ANKS1A: variants seen among roughly 807,000 people sequenced by gnomAD.
ANKS1A encodes the protein ankyrin repeat and sterile alpha motif domain containing 1A.
ANKS1A carries 55 observed loss-of-function variants against 120.3 expected under a neutral mutation model. The ratio of observed to expected loss-of-function variants is 0.46; its 90% CI spans 0.37 to 0.57. The LOEUF (loss-of-function observed/expected upper bound fraction) is 0.57. Ranked by LOEUF, ANKS1A falls within the 20% of genes least tolerant of loss-of-function variation. The pLI is 0.00. For missense variants in ANKS1A, 1,123 were observed against 1,480.3 expected, an observed-to-expected ratio of 0.76 and a Z score of 3.96; for synonymous variants, 590 against 604.7, an observed-to-expected ratio of 0.98 and a Z score of 0.36.
intron 8 of ANKS1A, among the ~76,000 whole-genome samples, chr6:34,985,524 T>G (rs1772150041): frequency 6.6e-6 from 1 of 152,208 alleles, no homozygotes; most frequent in African/African-American, 2.4e-5. Flanking sequence ...GCTTGCATCT[T>G]TACGTGACTT....
chr6:34,936,210 CATT>C (rs1331405423), intron 1 of ANKS1A, among the ~76,000 whole-genome samples: 5 of 152,080 alleles, frequency 3.3e-5, no homozygotes, highest in African/African-American at 1.2e-4. Flanking sequence ...AAAGAGTACA[CATT>C]ATGCCAACCA....
rs760744517 is a variant in ANKS1A, at chr6:35,084,199, A to G, written c.3073A>G (p.Ile1025Val). ...GGAGGACCTCTGTACCTTTGCCTACATCACCAAGGACCTGCAGACCAGCCA... is the reference window on the plus strand; with the variant it reads ...GGAGGACCTCTGTACCTTTGCCTACGTCACCAAGGACCTGCAGACCAGCCA... ...DPEDLCTFAY[I>V]TKDLQTSHHY... is the part of the protein sequence containing the mutation. The change falls in exon 21 of 24, where the codon ATC (isoleucine) becomes GTC (valine). Residue 1025 changes from isoleucine (I) to valine (V), a missense_variant. Coordinates refer to ENST00000360359, the MANE Select transcript of ANKS1A (RefSeq NM_015245.3). The surrounding 1 kb of genome is among the most constrained non-coding windows in gnomAD (Gnocchi z 4.8). The G allele has an allele frequency of 1.9e-6, 3 of 1,614,192 alleles. No homozygotes were observed. The highest frequency in any genetic ancestry group is 1.7e-6 in the Non-Finnish European group (2 of 1,180,016).
In ANKS1A at chr6:34,918,191, C is replaced by T. The variant is rs531079405; in HGVS notation, c.197+28592C>T. ...AAACCAAAGGCTGTAGAATTCCATGCAGATGTGGATTGTTGATTCCATTTT... is the reference window on the plus strand; with the variant it reads ...AAACCAAAGGCTGTAGAATTCCATGTAGATGTGGATTGTTGATTCCATTTT... On this transcript the variant is annotated intron_variant, in intron 1 of 23. Coordinates refer to ENST00000360359, the MANE Select transcript of ANKS1A (RefSeq NM_015245.3). Among the ~76,000 whole-genome samples, 8 of 152,292 alleles carry T rather than the reference C, an allele frequency of 5.3e-5. 2 individuals are homozygous for T. Among genetic ancestry groups the T allele is most frequent in the African/African-American group, 1.9e-4 (8 of 41,554 alleles).
chr6:35,097,620 A>G, the ANKS1A span, among the ~76,000 whole-genome samples: 26,642 of 142,368 alleles, frequency 0.19, 3,040 homozygotes, highest in African/African-American at 0.3. Context: ...GACACAAGGC[A>G]CCAGAAAAAG....
intron 1 of ANKS1A, among the ~76,000 whole-genome samples, chr6:34,916,747 T>C (rs1425385007): frequency 6.6e-6 from 1 of 152,230 alleles, no homozygotes; most frequent in East Asian, 1.9e-4. Context: ...TTCTGTGTAA[T>C]TCAGCTGGGA....
intron 1 of ANKS1A, among the ~76,000 whole-genome samples, chr6:34,896,105 C>G (rs1344458630): frequency 6.6e-6 from 1 of 150,664 alleles, no homozygotes; most frequent in South Asian, 2.1e-4. Context: ...TGTCTCACTC[C>G]TTCATCCAGA....
rs1187200991 is a variant in ANKS1A, at chr6:35,085,657, G to A, written c.3133-109G>A. 12 of 1,138,254 alleles carry A rather than the reference G, an allele frequency of 1.1e-5. No individual in the cohort carries two copies. Among genetic ancestry groups the A allele is most frequent in the African/African-American group, 4.7e-5 (3 of 63,260 alleles). 70.5% of individuals were successfully genotyped at this position (1,138,254 alleles called of 1,614,324 possible). ...GGGAAGAGTGGAAGGAGGTAGGAGCGCTCCCGGGTAGACTTAGAGGGGGAC... is the reference window on the plus strand; with the variant it reads ...GGGAAGAGTGGAAGGAGGTAGGAGCACTCCCGGGTAGACTTAGAGGGGGAC... On this transcript the variant is annotated intron_variant, in intron 21 of 23. Coordinates refer to ENST00000360359, the MANE Select transcript of ANKS1A (RefSeq NM_015245.3). The surrounding 1 kb of genome is among the most constrained non-coding windows in gnomAD (Gnocchi z 4.7).
chr6:35,010,944 A>G (rs1773728499), intron 10 of ANKS1A, among the ~76,000 whole-genome samples: 1 of 152,234 alleles, frequency 6.6e-6, no homozygotes, highest in Non-Finnish European at 1.5e-5. Flanking sequence ...AGTTTTCAAG[A>G]GATGAATGAA....
At chr6:34,961,830 T>G (rs552080084) in intron 1 of ANKS1A, among the ~76,000 whole-genome samples, 18 of 152,342 alleles carry the variant, frequency 1.2e-4, no homozygotes, top group Non-Finnish European at 2.5e-4. Flanking sequence ...ATTCTAGTCA[T>G]CGCGTTGCTG....
At chr6:34,939,889 C>T (rs1343800369) in intron 1 of ANKS1A, among the ~76,000 whole-genome samples, 2 of 152,300 alleles carry the variant, frequency 1.3e-5, no homozygotes, top group East Asian at 3.9e-4. Context: ...TTTTCTACTT[C>T]TGTGGCTTTT....
Position 34,983,433 on chromosome 6 carries a change from A to G in ANKS1A, c.1012+8A>G. ...TATCACAGAAGTCTCAGGGTAAGGT[A>G]ACTCTCCCCTATGAGTAAAGGGGTG... On this transcript the variant is annotated splice_region_variant and intron_variant, in intron 7 of 23. Transcript: ENST00000360359. 1 of 1,607,170 alleles carries G rather than the reference A, an allele frequency of 6.2e-7. No individual in the cohort carries two copies. Among genetic ancestry groups the G allele is most frequent in the South Asian group, 1.1e-5 (1 of 90,020 alleles).
chr6:35,066,255 A>C (rs1323515385), intron 13 of ANKS1A, among the ~76,000 whole-genome samples: 1 of 152,194 alleles, frequency 6.6e-6, no homozygotes, highest in South Asian at 2.1e-4. Flanking sequence ...TGAAAAAGGC[A>C]GTGGGCAGCA....
At chr6:35,045,925 G>A (rs1295591488) in intron 11 of ANKS1A, among the ~76,000 whole-genome samples, 2 of 151,976 alleles carry the variant, frequency 1.3e-5, no homozygotes, top group African/African-American at 4.8e-5. Flanking sequence ...ACCTTGCTGT[G>A]AGCACATGAA....
In ANKS1A at chr6:34,983,371, C is replaced by T. The variant is rs756062743; in HGVS notation, c.958C>T (p.Pro320Ser). The T allele has an allele frequency of 6.2e-7, 1 of 1,613,834 alleles. No homozygotes were observed. Among genetic ancestry groups the T allele is most frequent in the African/African-American group, 1.3e-5 (1 of 74,860 alleles). The change falls in exon 7 of 24, where the codon CCA becomes TCA. Residue 320 changes from proline (P) to serine (S), a missense_variant. Pro to Ser is a moderately conservative substitution (Grantham distance 74). This residue lies in a region of ANKS1A where 904 missense variants were observed against 1,130.4 expected (regional missense o/e 0.80). Transcript: ENST00000360359. ...TACAAAAGAAGTAGATAAAACCCCC[C>T]CACCCCAGCCACCTCTCATCTCCAG... ...RSTKEVDKTP[P>S]PQPPLISSMD...
chr6:34,931,684 T>C (rs1768988129), intron 1 of ANKS1A, among the ~76,000 whole-genome samples: 1 of 152,168 alleles, frequency 6.6e-6, no homozygotes, highest in Non-Finnish European at 1.5e-5. Context: ...CCAACCAGTC[T>C]AGGGCAAGGG....
At chr6:34,965,640 C>T (rs1012527266) in intron 1 of ANKS1A, among the ~76,000 whole-genome samples, 19 of 152,246 alleles carry the variant, frequency 1.2e-4, no homozygotes, top group African/African-American at 2.2e-4. Context: ...TGTGAGCCAC[C>T]GTACCCGGCC....
At chr6:35,067,034 G>A (rs1370660022) in intron 13 of ANKS1A, among the ~76,000 whole-genome samples, 3 of 152,156 alleles carry the variant, frequency 2.0e-5, no homozygotes, top group Admixed American at 6.5e-5. Flanking sequence ...CAGCTGAACC[G>A]GGATTGGAAC....
intron 10 of ANKS1A, among the ~76,000 whole-genome samples, chr6:35,012,390 C>T (rs750998555): frequency 6.6e-5 from 10 of 152,226 alleles, no homozygotes; most frequent in Non-Finnish European, 1.5e-4. Context: ...TGGTGACCCT[C>T]TGAAAGCAGC....
At chr6:35,033,251 C>A (rs1774993344) in intron 11 of ANKS1A, among the ~76,000 whole-genome samples, 1 of 152,202 alleles carries the variant, frequency 6.6e-6, no homozygotes, top group African/African-American at 2.4e-5. Flanking sequence ...TCAGCTCCTG[C>A]TCAGGTAGCT....
Sources: gnomAD v4.1 joint callset for allele counts (sites outside exome capture counted in the v4.1 genomes callset) on GRCh38, gnomAD v4.1.1 for gene constraint, gnomAD v4.1.1 regional missense constraint, Gnocchi (gnomAD v3.1) non-coding constraint, MANE v1.5 for transcripts, NCBI Gene and HGNC (gene_info 2026-07-23, HGNC 2026-07-21) for gene names.